The following RSPO2 variants were observed in gnomAD, a reference collection of about 807,000 sequenced individuals.
The protein encoded by RSPO2 is R-spondin 2.
A neutral mutation model predicts 30.9 loss-of-function variants in RSPO2; 14 were observed. The ratio of observed to expected loss-of-function variants is 0.45; its 90% CI spans 0.30 to 0.71. The LOEUF (loss-of-function observed/expected upper bound fraction) is 0.71. Ranked by LOEUF, RSPO2 falls within the 30% of genes least tolerant of loss-of-function variation. The pLI, the probability that RSPO2 is intolerant of heterozygous loss-of-function variation, is 0.08. For synonymous variants in RSPO2, 107 were observed against 96.4 expected (o/e 1.11, Z -0.64); for missense variants, 264 against 301.9 (o/e 0.87, Z 0.93).
intron 2 of RSPO2, among the ~76,000 whole-genome samples, chr8:108,021,671 C>T (rs963013678): frequency 6.6e-6 from 1 of 151,968 alleles, no homozygotes; most frequent in African/African-American, 2.4e-5. Flanking sequence ...GGTCTCATTG[C>T]CAATGGGCTA....
intron 5 of RSPO2, among the ~76,000 whole-genome samples, chr8:107,950,194 A>C (rs1252101912): frequency 6.6e-6 from 1 of 152,214 alleles, no homozygotes; most frequent in Non-Finnish European, 1.5e-5. Flanking sequence ...ATATATGTGC[A>C]TGTGTGTACA....
intron 2 of RSPO2, among the ~76,000 whole-genome samples, chr8:108,056,151 G>T (rs1251843196): frequency 2.0e-5 from 3 of 152,146 alleles, no homozygotes; most frequent in African/African-American, 7.2e-5. Flanking sequence ...CTTGACTACA[G>T]TCTCACCACT....
chr8:108,022,101 C>T (rs1177748050), intron 2 of RSPO2, among the ~76,000 whole-genome samples: 1 of 152,156 alleles, frequency 6.6e-6, no homozygotes, highest in Non-Finnish European at 1.5e-5. Flanking sequence ...CACTTTATCC[C>T]TCCAGTATGT....
chr8:107,983,967 A>G, intron 3 of RSPO2: 2 of 885,764 alleles, frequency 2.3e-6, no homozygotes, highest in African/African-American at 1.7e-5. Flanking sequence ...TTTATGAATA[A>G]TTGAAATAGA....
intron 3 of RSPO2, among the ~76,000 whole-genome samples, chr8:107,974,785 T>C (rs1586592437): frequency 6.6e-6 from 1 of 152,170 alleles, no homozygotes. Flanking sequence ...TAATTTTTAA[T>C]TAGTTTAAAG....
chr8:107,984,387 C>T (rs375209265), intron 3 of RSPO2, among the ~76,000 whole-genome samples: 26 of 152,330 alleles, frequency 1.7e-4, no homozygotes, highest in African/African-American at 5.5e-4. Flanking sequence ...ATATTTGAAA[C>T]ATGCTTTCTA....
chr8:107,916,058 CTATT>C lies in RSPO2; in HGVS notation c.617-14872_617-14869del, dbSNP rs60148954. Among the ~76,000 whole-genome samples the C allele has an allele frequency of 6.8e-3, 1,032 of 152,196 alleles. 7 individuals are homozygous for C. The highest frequency in any genetic ancestry group is 0.023 in the African/African-American group (974 of 41,524). On this transcript the variant is annotated intron_variant, in intron 5 of 5. Coordinates refer to ENST00000276659, the MANE Select transcript of RSPO2 (RefSeq NM_178565.5). ...ACTGTACAACTACTATATCTTCTGT[CTATT>C]TATATGTGTTGTATATGTGATGTTT...
chr8:107,935,256 T>C (rs1441397515), intron 5 of RSPO2, among the ~76,000 whole-genome samples: 2 of 152,166 alleles, frequency 1.3e-5, no homozygotes, highest in African/African-American at 4.8e-5. Context: ...AAAAATTACA[T>C]ACTACTGTAA....
chr8:108,070,370 G>C (rs1179366825), intron 2 of RSPO2, among the ~76,000 whole-genome samples: 1 of 141,498 alleles, frequency 7.1e-6, no homozygotes, highest in Non-Finnish European at 1.5e-5. Flanking sequence ...TCGGCTCACT[G>C]CAAGCTCCGC....
intron 5 of RSPO2, among the ~76,000 whole-genome samples, chr8:107,948,866 A>ATAAATAAATAAATAAATAAATAAAT (rs55680371): frequency 6.9e-6 from 1 of 145,798 alleles, no homozygotes; most frequent in East Asian, 2.0e-4. Flanking sequence ...TCTCAAAAAA[A>ATAAATAAATAAATAAATAAATAAAT]AAATAAATAA....
At chr8:108,037,731 C>T (rs1811640046) in intron 2 of RSPO2, among the ~76,000 whole-genome samples, 1 of 152,192 alleles carries the variant, frequency 6.6e-6, no homozygotes, top group Non-Finnish European at 1.5e-5. Context: ...TGCTCATTTA[C>T]ACCTTGAAAA....
chr8:107,983,273 C>G (rs1814514192), intron 3 of RSPO2: 2 of 1,594,744 alleles, frequency 1.3e-6, no homozygotes, highest in Non-Finnish European at 1.7e-6. Flanking sequence ...TCTGAGCAGG[C>G]TCATCTTTCA....
chr8:107,999,338 T>G (rs1272336464), intron 2 of RSPO2, among the ~76,000 whole-genome samples: 2 of 147,910 alleles, frequency 1.4e-5, no homozygotes, highest in Non-Finnish European at 3.0e-5. Flanking sequence ...CAAATGAATA[T>G]TTTTAATGAC....
At chr8:108,082,256 G>A (rs1813222090) in intron 2 of RSPO2, among the ~76,000 whole-genome samples, 1 of 152,246 alleles carries the variant, frequency 6.6e-6, no homozygotes, top group Admixed American at 6.5e-5. Context: ...GAGGAGGTGG[G>A]GCGGCGAACA....
At chr8:108,008,330 C>T (rs1815530526) in intron 2 of RSPO2, among the ~76,000 whole-genome samples, 1 of 152,108 alleles carries the variant, frequency 6.6e-6, no homozygotes, top group Non-Finnish European at 1.5e-5. Context: ...GTAGCAGCCG[C>T]CTGCATTAAA....
At chr8:107,960,920 T>G in intron 3 of RSPO2, 103 bp from the exon 4 acceptor site, 1 of 799,376 alleles carries the variant, frequency 1.3e-6, no homozygotes, top group Non-Finnish European at 2.0e-6. Context: ...CATTTGAAAT[T>G]CTCATCATCA....
chr8:107,965,656 T>C (rs1813778584), intron 3 of RSPO2, among the ~76,000 whole-genome samples: 3 of 151,942 alleles, frequency 2.0e-5, no homozygotes, highest in South Asian at 4.2e-4. Flanking sequence ...TTTTTTCCAA[T>C]CTGTGAATTC....
chr8:108,082,925 G>T, intron 1 of RSPO2, 118 bp from the exon 2 acceptor site: 1 of 399,070 alleles, frequency 2.5e-6, no homozygotes, highest in Non-Finnish European at 4.5e-6. Context: ...CGAACCCACT[G>T]CCTAGCACGA....
chr8:107,943,218 C>T (rs550748890), intron 5 of RSPO2, among the ~76,000 whole-genome samples: 48 of 152,164 alleles, frequency 3.2e-4, no homozygotes, highest in African/African-American at 1.1e-3. Flanking sequence ...TGCGTGCGTG[C>T]GCGCGCACAC....
Sources: gnomAD v4.1 joint callset for allele counts (sites outside exome capture counted in the v4.1 genomes callset) on GRCh38, gnomAD v4.1.1 for gene constraint, MANE v1.5 for transcripts, NCBI Gene and HGNC (gene_info 2026-07-23, HGNC 2026-07-21) for gene names.